KCTD14: variants seen among roughly 807,000 people sequenced by gnomAD.
KCTD14 encodes the protein potassium channel tetramerization domain containing 14.
A neutral mutation model predicts 5.9 loss-of-function variants in KCTD14; 7 were observed. The ratio of observed to expected loss-of-function variants is 1.19; its 90% CI spans 0.68 to 2.23. The LOEUF (loss-of-function observed/expected upper bound fraction) is 2.23, where lower values mean the gene tolerates loss of function less well. Ranked by LOEUF, KCTD14 falls within the 30% of genes most tolerant of loss-of-function variation. KCTD14 has a pLI of 0.00. For missense variants in KCTD14, 342 were observed against 332.2 expected, an observed-to-expected ratio of 1.03 and a Z score of -0.23; for synonymous variants, 140 against 133.1, an observed-to-expected ratio of 1.05 and a Z score of -0.36.
chr11:78,033,859 A>T (rs2136742515), intron 2 of KCTD14, among the ~76,000 whole-genome samples: 1 of 109,666 alleles, frequency 9.1e-6, no homozygotes, highest in Non-Finnish European at 1.9e-5. Context: ...AAAAAAAAAA[A>T]GATAACAAAG....
At chr11:78,037,741 C>A (rs545429116) in intron 2 of KCTD14, among the ~76,000 whole-genome samples, 2 of 152,184 alleles carry the variant, frequency 1.3e-5, no homozygotes, top group Non-Finnish European at 2.9e-5. Flanking sequence ...ATCGCTTGAA[C>A]CCGGGAGGCA....
At chr11:78,024,795 A>T (rs1229130925), upstream of KCTD14, among the ~76,000 whole-genome samples, 1 of 151,708 alleles carries the variant, frequency 6.6e-6, no homozygotes, top group Non-Finnish European at 1.5e-5. Flanking sequence ...AATACAAAAA[A>T]TTAGCTGGGC....
At chr11:78,044,532 C>G (rs1400157389) in intron 1 of KCTD14, among the ~76,000 whole-genome samples, 1 of 152,108 alleles carries the variant, frequency 6.6e-6, no homozygotes, top group Admixed American at 6.6e-5. Flanking sequence ...ACTGAGACCA[C>G]GCAGCATTGT....
At chr11:78,022,772 G>C (rs936970103) in intron 1 of KCTD14, among the ~76,000 whole-genome samples, 1 of 152,124 alleles carries the variant, frequency 6.6e-6, no homozygotes, top group South Asian at 2.1e-4. Context: ...TCCTCTGGCC[G>C]AGCTGGTTGG....
intron 2 of KCTD14, among the ~76,000 whole-genome samples, chr11:78,036,787 C>T (rs10751279): frequency 0.47 from 71,100 of 152,184 alleles, 16,854 homozygotes; most frequent in African/African-American, 0.54. Context: ...CCAGTCTCCA[C>T]ATCTGTGATT....
intron 2 of KCTD14, among the ~76,000 whole-genome samples, chr11:78,033,454 G>A (rs1234713511): frequency 6.6e-6 from 1 of 152,026 alleles, no homozygotes; most frequent in East Asian, 1.9e-4. Context: ...GGCCGAGGAG[G>A]GCAGATCACT....
chr11:78,021,816 T>A (rs909492620), intron 1 of KCTD14, among the ~76,000 whole-genome samples: 2 of 152,158 alleles, frequency 1.3e-5, no homozygotes, highest in Non-Finnish European at 2.9e-5. Flanking sequence ...GCAGACTCCA[T>A]AACAAGGTTT....
chr11:78,032,645 C>T (rs1485224092), intron 2 of KCTD14, among the ~76,000 whole-genome samples: 1 of 148,324 alleles, frequency 6.7e-6, no homozygotes, highest in East Asian at 2.0e-4. Context: ...CTGCCCTACT[C>T]CCAGCCTTGC....
intron 1 of KCTD14, among the ~76,000 whole-genome samples, chr11:78,045,289 G>A (rs1206011522): frequency 6.6e-6 from 1 of 152,154 alleles, no homozygotes; most frequent in Non-Finnish European, 1.5e-5. Context: ...ATTTTTTGTA[G>A]AGACAAGGTT....
intron 1 of KCTD14, among the ~76,000 whole-genome samples, chr11:78,043,139 G>A (rs749536366): frequency 9.2e-5 from 14 of 152,148 alleles, no homozygotes; most frequent in African/African-American, 1.7e-4. Flanking sequence ...GTGAGCCACC[G>A]CACTTGGCCT....
chr11:78,040,994 G>T (rs978105115), intron 1 of KCTD14, among the ~76,000 whole-genome samples: 1 of 152,116 alleles, frequency 6.6e-6, no homozygotes, highest in African/African-American at 2.4e-5. Flanking sequence ...TGAATGGAAG[G>T]TGATTTTGCC....
chr11:78,028,215 A>G (rs1181618579), upstream of KCTD14, among the ~76,000 whole-genome samples: 1 of 152,200 alleles, frequency 6.6e-6, no homozygotes, highest in Non-Finnish European at 1.5e-5. Flanking sequence ...GAGAAATTTC[A>G]ATAGAGGGAC....
upstream of KCTD14, among the ~76,000 whole-genome samples, chr11:78,025,118 G>GTATATA (rs369374652): frequency 4.7e-3 from 208 of 44,400 alleles, 3 homozygotes; most frequent in South Asian, 6.8e-3. Context: ...GTGTGTGTGT[G>GTATATA]TATATATATA....
At chr11:78,018,718 T>G (rs1342392008) in intron 1 of KCTD14, among the ~76,000 whole-genome samples, 2 of 147,920 alleles carry the variant, frequency 1.4e-5, no homozygotes, top group East Asian at 2.0e-4. Flanking sequence ...AAAAAAAAAA[T>G]AAGAAGAAGA....
chr11:78,031,053 T>G lies in KCTD14; in HGVS notation c.-1+7611A>C, dbSNP rs866490979. ...CGCTGATAGCAAGTAATGGTTTTTTTTTTTTTTTTTTTGAGACAGAATCTC... is the reference window on the plus strand; with the variant it reads ...CGCTGATAGCAAGTAATGGTTTTTTGTTTTTTTTTTTTGAGACAGAATCTC... On this transcript the variant is annotated intron_variant, in intron 2 of 2. Coordinates refer to the KCTD14 transcript ENST00000533144. Among the ~76,000 whole-genome samples, 6 of 150,980 alleles carry G rather than the reference T, an allele frequency of 4.0e-5. No homozygotes were observed. The Middle Eastern group carries it at 0.014, about 345-fold the overall frequency.
At position 78,031,826 on chromosome 11, in the gene KCTD14, C is replaced by T. The variant is rs191479759; in HGVS notation, c.-1+6838G>A. Among the ~76,000 whole-genome samples the T allele has an allele frequency of 2.0e-3, 309 of 152,300 alleles. 3 individuals are homozygous for T. The highest frequency in any genetic ancestry group is 6.6e-3 in the African/African-American group (276 of 41,556). Reference sequence around the variant, plus strand: ...CCCATTGTCAGCTGTAATTGAATAACCACAGAAATGAATATCTGGTTTCAC... The same window carrying T: ...CCCATTGTCAGCTGTAATTGAATAATCACAGAAATGAATATCTGGTTTCAC... On this transcript the variant is annotated intron_variant, in intron 2 of 2. Coordinates refer to the KCTD14 transcript ENST00000533144.
intron 1 of KCTD14, chr11:78,022,876 A>C: frequency 2.5e-6 from 1 of 403,460 alleles, no homozygotes; most frequent in Non-Finnish European, 4.4e-6. Context: ...AGGGAAAGGA[A>C]CTAAAGACCC....
At chr11:78,028,083 T>G (rs1280805335), upstream of KCTD14, among the ~76,000 whole-genome samples, 1 of 152,070 alleles carries the variant, frequency 6.6e-6, no homozygotes, top group Non-Finnish European at 1.5e-5. Flanking sequence ...TTCAGATGGT[T>G]GGGGGGCTGA....
chr11:78,045,598 A>C (rs1420379711), intron 1 of KCTD14, among the ~76,000 whole-genome samples: 4 of 152,180 alleles, frequency 2.6e-5, no homozygotes, highest in Non-Finnish European at 4.4e-5. Flanking sequence ...TGTCTTCCAA[A>C]GTTAGCTTGG....
Sources: allele counts gnomAD v4.1 joint callset (sites outside exome capture counted in the v4.1 genomes callset), GRCh38; gene constraint gnomAD v4.1.1; transcripts MANE v1.5; gene names NCBI Gene and HGNC (gene_info 2026-07-23, HGNC 2026-07-21).